TJP1: variants seen among roughly 807,000 people sequenced by gnomAD.
TJP1 encodes tight junction protein 1, also known as tight junction protein ZO-1.
Under a neutral mutation model 194.2 loss-of-function variants are expected in TJP1, and 43 were observed. The ratio of observed to expected loss-of-function variants is 0.22; its 90% CI spans 0.17 to 0.29. The LOEUF (loss-of-function observed/expected upper bound fraction) is 0.29, where lower values mean the gene tolerates loss of function less well. Ranked by LOEUF, TJP1 falls within the 10% of genes least tolerant of loss-of-function variation. The pLI is 1.00. For synonymous variants in TJP1, 801 were observed against 779.0 expected (o/e 1.03, Z -0.47); for missense variants, 1,971 against 2,185.7 (o/e 0.90, Z 1.96).
chr15:29,712,208 TGAA>T (rs2042285264), intron 23 of TJP1, among the ~76,000 whole-genome samples: 1 of 152,228 alleles, frequency 6.6e-6, no homozygotes, highest in Non-Finnish European at 1.5e-5. Flanking sequence ...AAATTTTCAT[TGAA>T]GAAGTCTTAT....
At chr15:29,936,636 T>C (rs899041233) in intron 2 of TJP1, among the ~76,000 whole-genome samples, 5 of 152,200 alleles carry the variant, frequency 3.3e-5, no homozygotes, top group Non-Finnish European at 7.3e-5. Flanking sequence ...TCCCACTTAC[T>C]GCACTCATGT....
intron 2 of TJP1, among the ~76,000 whole-genome samples, chr15:29,795,691 C>T (rs1204372579): frequency 6.6e-6 from 1 of 152,018 alleles, no homozygotes; most frequent in Non-Finnish European, 1.5e-5. Context: ...TACAGCTTTT[C>T]CATGATACCA....
intron 23 of TJP1, among the ~76,000 whole-genome samples, chr15:29,715,494 A>C (rs995355860): frequency 6.6e-6 from 1 of 152,228 alleles, no homozygotes; most frequent in African/African-American, 2.4e-5. Context: ...GTATGTTCTA[A>C]AACAATTTAC....
At chr15:29,739,636 G>GGGT (rs1371672197) in intron 10 of TJP1, among the ~76,000 whole-genome samples, 1 of 151,944 alleles carries the variant, frequency 6.6e-6, no homozygotes, top group Non-Finnish European at 1.5e-5. Context: ...AGTAGAGACG[G>GGGT]GGTTTCGCCG....
At chr15:29,852,015 T>C (rs1004630418) in intron 2 of TJP1, among the ~76,000 whole-genome samples, 3 of 152,190 alleles carry the variant, frequency 2.0e-5, no homozygotes, top group Non-Finnish European at 4.4e-5. Context: ...TATAAAATTA[T>C]AAAACTTTTA....
intron 1 of TJP1, among the ~76,000 whole-genome samples, chr15:29,801,339 TCC>T (rs1243226244): frequency 6.6e-6 from 1 of 151,146 alleles, no homozygotes; most frequent in Non-Finnish European, 1.5e-5. Flanking sequence ...TCTCCCAAAC[TCC>T]CCCAAGAATC....
intron 2 of TJP1, among the ~76,000 whole-genome samples, chr15:29,925,382 C>T (rs1281195622): frequency 6.6e-6 from 1 of 152,182 alleles, no homozygotes; most frequent in East Asian, 1.9e-4. Context: ...GGACAGAGGG[C>T]ATCAGGAAGC....
At position 29,773,307 on chromosome 15, in the gene TJP1, A is replaced by C. The variant is rs2046809247; in HGVS notation, c.135T>G (p.Pro45=). The part of the protein sequence containing the change: ...GIAISGGRDN[P]HFQSGETSIV... ...TTGACGTTTCCCCACTCTGAAAATGAGGATTATCTCGTCCACCAGATATTG... is the reference window on the plus strand; with the variant it reads ...TTGACGTTTCCCCACTCTGAAAATGCGGATTATCTCGTCCACCAGATATTG... The change falls in exon 3 of 28, where the codon CCT becomes CCG. Residue 45 remains proline (P), a synonymous_variant. Coordinates refer to ENST00000614355, the MANE Select transcript of TJP1 (RefSeq NM_001330239.4). The C allele has an allele frequency of 6.2e-7, 1 of 1,613,910 alleles. No individual in the cohort carries two copies.
At chr15:29,890,906 G>A (rs1437914589) in intron 2 of TJP1, among the ~76,000 whole-genome samples, 1 of 152,180 alleles carries the variant, frequency 6.6e-6, no homozygotes, top group Non-Finnish European at 1.5e-5. Context: ...GCAGCCCGGT[G>A]AAGCCTGCAT....
rs774200321 is a variant in TJP1, at chr15:29,726,807, C to T, written c.2285G>A (p.Arg762His). 2 of 1,614,028 alleles carry T rather than the reference C, an allele frequency of 1.2e-6. No individual in the cohort carries two copies. The highest frequency in any genetic ancestry group is 1.7e-6 in the Non-Finnish European group (2 of 1,179,996). Residue 762 changes from arginine to histidine, a missense_variant, in exon 17 of 28, where the codon CGT (arginine) becomes CAT (histidine). By Grantham distance (29) the Arg-to-His change is conservative (BLOSUM62 0). This residue lies in a region of TJP1 where 402 missense variants were observed against 484.2 expected (regional missense o/e 0.83). Coordinates refer to ENST00000614355, the MANE Select transcript of TJP1 (RefSeq NM_001330239.4). ...TGTAAAAAGATGGTGATTATTTTTA[C>T]GAAGTTTATGAGATCGCTCGTATAA... Reference protein sequence around the residue: ...RKLYERSHKLRKNNHHLFTTT... With the variant: ...RKLYERSHKLHKNNHHLFTTT...
Position 29,734,291 on chromosome 15 carries a change from G to C in TJP1, c.1499C>G (p.Ala500Gly), listed in dbSNP as rs2043869663. 6.2e-7 allele frequency: 1 copy of C among 1,608,756 alleles called. No homozygotes were observed. Among genetic ancestry groups the C allele is most frequent in the African/African-American group, 1.3e-5 (1 of 74,486 alleles). Reference sequence around the variant, plus strand: ...CATCTCACCATCCTTCTTCTTCTGAGCCAATATGGTCACTTCTTCTCCTTT... The same window carrying C: ...CATCTCACCATCCTTCTTCTTCTGACCCAATATGGTCACTTCTTCTCCTTT... The part of the protein sequence containing the change: ...LPKGEEVTIL[A>G]QKKKDVYRRI... Residue 500 changes from alanine to glycine, a missense_variant, in exon 12 of 28, where the codon GCT becomes GGT. Coordinates refer to ENST00000614355, the MANE Select transcript of TJP1 (RefSeq NM_001330239.4).
chr15:29,754,151 G>A (rs2045488931), intron 8 of TJP1, among the ~76,000 whole-genome samples: 1 of 152,132 alleles, frequency 6.6e-6, no homozygotes, highest in African/African-American at 2.4e-5. Context: ...TGACAGAGTG[G>A]ATAAAGAAAA....
chr15:29,781,626 T>C (rs2047375095), intron 2 of TJP1, among the ~76,000 whole-genome samples: 1 of 152,210 alleles, frequency 6.6e-6, no homozygotes. Context: ...CACAATCAAG[T>C]AGGCTTTATC....
At chr15:29,786,592 T>C (rs1172240148) in intron 2 of TJP1, among the ~76,000 whole-genome samples, 1 of 152,162 alleles carries the variant, frequency 6.6e-6, no homozygotes, top group Non-Finnish European at 1.5e-5. Flanking sequence ...CTCAAACTCC[T>C]GGGTTCAAGT....
intron 2 of TJP1, among the ~76,000 whole-genome samples, chr15:29,775,020 T>C (rs990664382): frequency 1.5e-4 from 22 of 151,678 alleles, no homozygotes; most frequent in Non-Finnish European, 2.5e-4. Context: ...AAGACTTAAA[T>C]TGCACACCGT....
intron 2 of TJP1, among the ~76,000 whole-genome samples, chr15:29,798,542 G>A (rs965554155): frequency 6.6e-6 from 1 of 152,138 alleles, no homozygotes; most frequent in African/African-American, 2.4e-5. Flanking sequence ...CATATCAAGT[G>A]CTGATGAGGA....
exon 1 of TJP1, chr15:29,968,747 T>C (rs1159567005): frequency 2.7e-5 from 33 of 1,230,504 alleles, no homozygotes; most frequent in Admixed American, 1.3e-4. Flanking sequence ...CCGTCAGGTA[T>C]TTCTGGTACT....
intron 2 of TJP1, among the ~76,000 whole-genome samples, chr15:29,774,680 G>A (rs1440029512): frequency 6.6e-6 from 1 of 151,880 alleles, no homozygotes; most frequent in African/African-American, 2.4e-5. Flanking sequence ...GGACTCTGGT[G>A]ATGGTCACAC....
chr15:29,700,646 G>T lies in TJP1; in HGVS notation c.*949C>A. ...AACAAAAGTGGTATGCACGCATTAT[G>T]TACAAGCATCCTTAAAACATCAAAA... On this transcript the variant is annotated 3_prime_UTR_variant, in exon 28 of 28. Transcript: ENST00000614355. 2 of 305,316 alleles carry T rather than the reference G, an allele frequency of 6.6e-6. No individual in the cohort carries two copies. Among genetic ancestry groups the T allele is most frequent in the African/African-American group, 2.2e-5 (1 of 45,418 alleles). 18.9% of individuals were successfully genotyped at this position (305,316 alleles called of 1,614,324 possible).
Sources: allele counts gnomAD v4.1 joint callset (sites outside exome capture counted in the v4.1 genomes callset), GRCh38; gene constraint gnomAD v4.1.1; regional missense constraint gnomAD v4.1.1; transcripts MANE v1.5; gene names NCBI Gene and HGNC (gene_info 2026-07-23, HGNC 2026-07-21).